NAV3: variants seen among roughly 807,000 people sequenced by gnomAD.
NAV3 encodes pore membrane and/or filament interacting like protein 1.
Under a neutral mutation model 244.7 loss-of-function variants are expected in NAV3, and 87 were observed. The ratio of observed to expected loss-of-function variants is 0.36; its 90% CI spans 0.30 to 0.42. The LOEUF (loss-of-function observed/expected upper bound fraction) is 0.42, where lower values mean the gene tolerates loss of function less well. Ranked by LOEUF, NAV3 falls within the 20% of genes least tolerant of loss-of-function variation. NAV3 has a pLI of 1.00. For missense variants in NAV3, 2,663 were observed against 2,893.3 expected (o/e 0.92, Z 1.83); for synonymous variants, 1,126 against 1,042.2 (o/e 1.08, Z -1.55).
intron 1 of NAV3, among the ~76,000 whole-genome samples, chr12:77,918,549 T>C (rs1887387575): frequency 6.6e-6 from 1 of 152,088 alleles, no homozygotes; most frequent in Non-Finnish European, 1.5e-5. Flanking sequence ...GTGGGTTATC[T>C]ATTTGGGCTG....
At chr12:77,745,390 C>A (rs2137416730) in intron 2 of NAV3, among the ~76,000 whole-genome samples, 1 of 152,010 alleles carries the variant, frequency 6.6e-6, no homozygotes, top group African/African-American at 2.4e-5. Flanking sequence ...GAGCAAAGAC[C>A]AATTGATAGG....
chr12:77,994,708 C>A, intron 5 of NAV3, 95 bp from the exon 6 acceptor site: 2 of 924,380 alleles, frequency 2.2e-6, no homozygotes, highest in East Asian at 4.9e-5. Context: ...GTTCCAATTG[C>A]ATTTCATTAA....
At chr12:77,647,183 T>C (rs947138486) in intron 2 of NAV3, among the ~76,000 whole-genome samples, 3 of 151,998 alleles carry the variant, frequency 2.0e-5, no homozygotes, top group Admixed American at 1.3e-4. Context: ...AATAAGAGAA[T>C]GGATGAATAA....
At chr12:77,877,478 A>G (rs1255097565) in intron 1 of NAV3, among the ~76,000 whole-genome samples, 1 of 152,184 alleles carries the variant, frequency 6.6e-6, no homozygotes, top group Non-Finnish European at 1.5e-5. Context: ...ATTTATAGGT[A>G]ACAAATAGCT....
At chr12:77,667,406 G>A (rs536067787) in intron 2 of NAV3, among the ~76,000 whole-genome samples, 6 of 152,204 alleles carry the variant, frequency 3.9e-5, no homozygotes, top group South Asian at 2.1e-4. Context: ...GCTGTTGGTC[G>A]GGCATGGCGG....
At chr12:77,814,239 A>ATG (rs1317140633) in intron 2 of NAV3, among the ~76,000 whole-genome samples, 1 of 151,916 alleles carries the variant, frequency 6.6e-6, no homozygotes, top group East Asian at 1.9e-4. Context: ...GTCCCTTCGT[A>ATG]TGTGGAGAAA....
At chr12:78,035,634 A>G (rs1879729317) in intron 9 of NAV3, among the ~76,000 whole-genome samples, 2 of 152,212 alleles carry the variant, frequency 1.3e-5, no homozygotes, top group South Asian at 4.1e-4. Context: ...TAACATTATT[A>G]TGTTCCACAC....
intron 12 of NAV3, among the ~76,000 whole-genome samples, chr12:78,107,571 C>A (rs1954866759): frequency 1.3e-5 from 2 of 151,358 alleles, no homozygotes; most frequent in African/African-American, 4.9e-5. Flanking sequence ...ACTTTACAGG[C>A]CAGAAAGAAT....
At chr12:77,933,504 C>T (rs1299402369) in intron 1 of NAV3, among the ~76,000 whole-genome samples, 1 of 152,194 alleles carries the variant, frequency 6.6e-6, no homozygotes, top group Admixed American at 6.5e-5. Context: ...GGGTAGTCAA[C>T]TCATTAATAT....
intron 2 of NAV3, among the ~76,000 whole-genome samples, chr12:77,584,109 G>A (rs1470520500): frequency 6.6e-6 from 1 of 152,284 alleles, no homozygotes; most frequent in Non-Finnish European, 1.5e-5. Context: ...ATAGCACACT[G>A]TTGTCTGCCT....
intron 5 of NAV3, among the ~76,000 whole-genome samples, chr12:77,989,519 G>T (rs1441502023): frequency 2.0e-5 from 3 of 152,148 alleles, no homozygotes; most frequent in Non-Finnish European, 4.4e-5. Flanking sequence ...CCAAGTTCTT[G>T]ATCTATAAAC....
chr12:78,127,842 A>G (rs536403577), intron 17 of NAV3, among the ~76,000 whole-genome samples: 89 of 74,466 alleles, frequency 1.2e-3, no homozygotes, highest in African/African-American at 5.2e-3. Flanking sequence ...ATCTGAATTA[A>G]TCTAATATTT....
At chr12:77,616,219 C>T (rs1183159413) in intron 2 of NAV3, among the ~76,000 whole-genome samples, 1 of 151,870 alleles carries the variant, frequency 6.6e-6, no homozygotes, top group African/African-American at 2.4e-5. Context: ...CTAGACTGGC[C>T]AACGTGGTGA....
intron 23 of NAV3, among the ~76,000 whole-genome samples, chr12:78,167,873 TTCTA>T (rs1171516469): frequency 1.3e-5 from 2 of 151,706 alleles, no homozygotes; most frequent in African/African-American, 2.4e-5. Flanking sequence ...TTCTTTTTCT[TTCTA>T]TCTTTTTTTG....
rs371335111 is a variant in NAV3, at chr12:77,691,331, ATG to A, written c.72+119071_72+119072del. 9.3e-4 allele frequency among the ~76,000 whole-genome samples: 61 copies of A among 65,738 alleles called. 1 individual carries two copies. Among genetic ancestry groups the A allele is most frequent in the South Asian group, 1.7e-3 (3 of 1,788 alleles). 43.1% of individuals were successfully genotyped at this position (65,738 alleles called of 152,430 possible). ...TATAGTCATATATAAGTATTTGTGT[ATG>A]TGTGTATATATATATATATATACAT... On this transcript the variant is annotated intron_variant, in intron 2 of 8. Transcript: ENST00000550042.
intron 12 of NAV3, among the ~76,000 whole-genome samples, chr12:78,080,878 T>C (rs1302178132): frequency 1.3e-5 from 2 of 152,250 alleles, no homozygotes; most frequent in Non-Finnish European, 2.9e-5. Context: ...GCTTGTCTTA[T>C]GACTTTATTT....
At chr12:77,607,574 G>C (rs1052861405) in intron 2 of NAV3, among the ~76,000 whole-genome samples, 3 of 152,046 alleles carry the variant, frequency 2.0e-5, no homozygotes, top group African/African-American at 4.8e-5. Context: ...TAAGAGAGGG[G>C]ATTGTAGCCA....
chr12:77,654,599 G>C (rs1329999102), intron 2 of NAV3, among the ~76,000 whole-genome samples: 1 of 152,124 alleles, frequency 6.6e-6, no homozygotes, highest in African/African-American at 2.4e-5. Flanking sequence ...TTTGAGGAGA[G>C]CAGTGGTTCT....
intron 1 of NAV3, among the ~76,000 whole-genome samples, chr12:77,873,351 A>G (rs953322804): frequency 6.6e-6 from 1 of 152,106 alleles, no homozygotes; most frequent in African/African-American, 2.4e-5. Context: ...AACAATTGAT[A>G]CAGATCTTAT....
Sources: allele counts gnomAD v4.1 joint callset (sites outside exome capture counted in the v4.1 genomes callset), GRCh38; gene constraint gnomAD v4.1.1; transcripts MANE v1.5; gene names NCBI Gene and HGNC (gene_info 2026-07-23, HGNC 2026-07-21).